The following AGBL4 variants were observed in gnomAD, a reference collection of about 807,000 sequenced individuals.
AGBL4 encodes AGBL carboxypeptidase 4.
Under a neutral mutation model 66.4 loss-of-function variants are expected in AGBL4, and 58 were observed. That is an observed-to-expected ratio of 0.87 (90% CI 0.71 to 1.09). AGBL4 has a LOEUF of 1.09. AGBL4 is among the 50% of genes least tolerant of loss of function. AGBL4 has a pLI of 0.00. For missense variants in AGBL4, 579 were observed against 631.0 expected, an observed-to-expected ratio of 0.92 and a Z score of 0.88; for synonymous variants, 234 against 222.9, an observed-to-expected ratio of 1.05 and a Z score of -0.44.
intron 6 of AGBL4, among the ~76,000 whole-genome samples, chr1:48,699,517 C>T (rs1646768273): frequency 6.6e-6 from 1 of 152,186 alleles, no homozygotes; most frequent in South Asian, 2.1e-4. Flanking sequence ...CTCTCTCTGG[C>T]CATTGGAATC....
At chr1:48,770,590 G>C (rs1644765770) in intron 6 of AGBL4, among the ~76,000 whole-genome samples, 1 of 152,094 alleles carries the variant, frequency 6.6e-6, no homozygotes, top group Non-Finnish European at 1.5e-5. Context: ...TGAGATCTTT[G>C]ACTTGGAATG....
chr1:48,602,096 T>C (rs779860620), intron 9 of AGBL4, among the ~76,000 whole-genome samples: 2 of 152,060 alleles, frequency 1.3e-5, no homozygotes, highest in Non-Finnish European at 2.9e-5. Flanking sequence ...ACTCAGTAAA[T>C]AGTTGTGGCC....
At chr1:49,724,358 G>A (rs952208751) in intron 2 of AGBL4, among the ~76,000 whole-genome samples, 5 of 152,064 alleles carry the variant, frequency 3.3e-5, no homozygotes, top group African/African-American at 4.8e-5. Flanking sequence ...AGTATTTATT[G>A]ACTACAAACT....
At chr1:50,004,174 T>G (rs1171508564) in intron 1 of AGBL4, among the ~76,000 whole-genome samples, 1 of 152,192 alleles carries the variant, frequency 6.6e-6, no homozygotes, top group African/African-American at 2.4e-5. Flanking sequence ...TGGAACTCAG[T>G]GCTACCCTGT....
At chr1:49,949,973 T>TACAC (rs1351109781) in intron 1 of AGBL4, among the ~76,000 whole-genome samples, 1 of 145,596 alleles carries the variant, frequency 6.9e-6, no homozygotes, top group Non-Finnish European at 1.5e-5. Context: ...TATATATATA[T>TACAC]ACACACATAT....
At chr1:48,588,247 A>G (rs1171356690) in intron 10 of AGBL4, among the ~76,000 whole-genome samples, 7 of 152,230 alleles carry the variant, frequency 4.6e-5, no homozygotes, top group Non-Finnish European at 8.8e-5. Context: ...CAGAATCACT[A>G]GAGCATAGGG....
chr1:48,772,162 C>A (rs1242957806), intron 6 of AGBL4, among the ~76,000 whole-genome samples: 1 of 152,164 alleles, frequency 6.6e-6, no homozygotes, highest in Non-Finnish European at 1.5e-5. Context: ...AGTTCCCTGT[C>A]AGGCAGGAAG....
intron 1 of AGBL4, among the ~76,000 whole-genome samples, chr1:49,879,486 G>GC (rs1647145263): frequency 6.8e-6 from 1 of 147,662 alleles, no homozygotes; most frequent in Non-Finnish European, 1.5e-5. Flanking sequence ...TTGAATATTG[G>GC]CCCCCACTCT....
chr1:48,816,792 G>A (rs567732484), intron 6 of AGBL4, among the ~76,000 whole-genome samples: 3 of 152,264 alleles, frequency 2.0e-5, no homozygotes, highest in South Asian at 2.1e-4. Flanking sequence ...TCTGTAAAGC[G>A]TCCACAATCT....
chr1:49,646,962 T>C (rs916660223), intron 3 of AGBL4, among the ~76,000 whole-genome samples: 1 of 150,316 alleles, frequency 6.7e-6, no homozygotes, highest in African/African-American at 2.4e-5. Context: ...ATGGTATCCA[T>C]AGACCAAAAA....
At chr1:49,947,728 A>G (rs1655348929) in intron 1 of AGBL4, among the ~76,000 whole-genome samples, 1 of 150,948 alleles carries the variant, frequency 6.6e-6, no homozygotes. Context: ...AAGGGCATCC[A>G]AATCGGTAAA....
chr1:49,867,766 A>G (rs1045298761), intron 1 of AGBL4, among the ~76,000 whole-genome samples: 1 of 152,176 alleles, frequency 6.6e-6, no homozygotes, highest in Non-Finnish European at 1.5e-5. Flanking sequence ...CACTACAAAA[A>G]CACACTGAAG....
intron 6 of AGBL4, among the ~76,000 whole-genome samples, chr1:48,794,716 T>A (rs1319006180): frequency 2.0e-5 from 3 of 152,220 alleles, no homozygotes; most frequent in East Asian, 3.8e-4. Context: ...CCATGTAGGC[T>A]CCACTTCCTT....
intron 4 of AGBL4, among the ~76,000 whole-genome samples, chr1:49,075,057 G>T (rs1236982292): frequency 6.6e-6 from 1 of 152,136 alleles, no homozygotes; most frequent in Non-Finnish European, 1.5e-5. Flanking sequence ...GATTAATTCA[G>T]TTCATTCCCT....
chr1:49,565,764 T>C (rs956503196), intron 3 of AGBL4, among the ~76,000 whole-genome samples: 2 of 152,196 alleles, frequency 1.3e-5, no homozygotes, highest in Admixed American at 1.3e-4. Context: ...TTGGTGAATC[T>C]GACAAGTATG....
chr1:49,910,114 G>C (rs1379358538), intron 1 of AGBL4, among the ~76,000 whole-genome samples: 1 of 152,160 alleles, frequency 6.6e-6, no homozygotes, highest in Non-Finnish European at 1.5e-5. Context: ...GGAACCAGTA[G>C]ATAGGAAAAT....
At chr1:49,215,907 T>A (rs1258735341) in intron 4 of AGBL4, among the ~76,000 whole-genome samples, 3 of 152,132 alleles carry the variant, frequency 2.0e-5, no homozygotes, top group African/African-American at 7.2e-5. Flanking sequence ...TTATCCCTCA[T>A]TTATCATGAG....
intron 1 of AGBL4, among the ~76,000 whole-genome samples, chr1:49,964,192 T>A (rs1657361594): frequency 6.6e-6 from 1 of 152,140 alleles, no homozygotes; most frequent in South Asian, 2.1e-4. Flanking sequence ...ATAGATATCA[T>A]CTACATATAA....
chr1:49,459,577 T>C (rs546214874), intron 3 of AGBL4, among the ~76,000 whole-genome samples: 1 of 151,706 alleles, frequency 6.6e-6, no homozygotes, highest in South Asian at 2.1e-4. Context: ...TCTTGCTAGG[T>C]CTACCAATTT....
Sources: allele counts gnomAD v4.1 joint callset (sites outside exome capture counted in the v4.1 genomes callset), GRCh38; gene constraint gnomAD v4.1.1; transcripts MANE v1.5; gene names NCBI Gene and HGNC (gene_info 2026-07-23, HGNC 2026-07-21).